BRD7: variants seen among roughly 807,000 people sequenced by gnomAD.
BRD7 encodes the protein bromodomain-containing protein 7.
A neutral mutation model predicts 82.1 loss-of-function variants in BRD7; 15 were observed. That is an observed-to-expected ratio of 0.18 (90% CI 0.12 to 0.28). The LOEUF (loss-of-function observed/expected upper bound fraction) is 0.28, where lower values mean the gene tolerates loss of function less well. Among genes scored for constraint, BRD7 ranks in the 10% least tolerant of loss-of-function variants. The pLI is 1.00. For missense variants in BRD7, 638 were observed against 779.9 expected, an observed-to-expected ratio of 0.82 and a Z score of 2.17; for synonymous variants, 232 against 266.9, an observed-to-expected ratio of 0.87 and a Z score of 1.27.
intron 8 of BRD7, among the ~76,000 whole-genome samples, chr16:50,330,352 T>C (rs958579058): frequency 2.0e-5 from 3 of 151,352 alleles, no homozygotes; most frequent in Non-Finnish European, 4.4e-5. Flanking sequence ...TTTTTTTTTT[T>C]TTTTTTGAGA....
chr16:50,327,734 T>A (rs1351981391), intron 9 of BRD7, among the ~76,000 whole-genome samples: 3 of 152,204 alleles, frequency 2.0e-5, no homozygotes, highest in African/African-American at 7.2e-5. Flanking sequence ...GCTGTTCTTT[T>A]CCTTTGTAGT....
rs1188946082 is a variant in BRD7, at chr16:50,328,678, T to C, written c.1078A>G (p.Ile360Val). Residue 360 changes from isoleucine (I) to valine (V), a missense_variant, in exon 9 of 17, where the codon ATT becomes GTT. Transcript: ENST00000394688. ...TLGLLHPVDP[I>V]VGEPGYCPVR... ...TTTACTCTGATCCTACCTCCTACAA[T>C]GGGATCCACAGGATGGAGAAGTCCC... The C allele has an allele frequency of 1.2e-6, 2 of 1,613,566 alleles. No homozygotes were observed. Among genetic ancestry groups the C allele is most frequent in the Non-Finnish European group, 1.7e-6 (2 of 1,179,852 alleles).
intron 4 of BRD7, among the ~76,000 whole-genome samples, chr16:50,352,225 T>G (rs1262737104): frequency 6.6e-6 from 1 of 152,196 alleles, no homozygotes; most frequent in Admixed American, 6.5e-5. Context: ...GTAACAAAGT[T>G]TGAGGGCGGT....
intron 5 of BRD7, chr16:50,349,122 G>A: frequency 6.1e-6 from 1 of 163,230 alleles, no homozygotes; most frequent in South Asian, 1.5e-4. Context: ...GGATGAAGCT[G>A]TTTCTGAGCA....
At chr16:50,333,267 T>C (rs1319428088) in intron 8 of BRD7, among the ~76,000 whole-genome samples, 1 of 152,138 alleles carries the variant, frequency 6.6e-6, no homozygotes, top group African/African-American at 2.4e-5. Flanking sequence ...AAAAATCCAG[T>C]AAAAGAGGGT....
chr16:50,327,287 C>T (rs2037380459), intron 9 of BRD7, among the ~76,000 whole-genome samples: 1 of 152,198 alleles, frequency 6.6e-6, no homozygotes, highest in Non-Finnish European at 1.5e-5. Context: ...GTCTCAGAAA[C>T]TGGAAACCCA....
chr16:50,368,032 T>G, intron 2 of BRD7, 58 bp downstream of exon 2: 1 of 1,547,016 alleles, frequency 6.5e-7, no homozygotes, highest in Non-Finnish European at 8.9e-7. Flanking sequence ...TAAAATGAGG[T>G]TGGCACCTGG....
At chr16:50,323,550 T>C in intron 12 of BRD7, 37 bp downstream of exon 12, 1 of 1,421,830 alleles carries the variant, frequency 7.0e-7, no homozygotes, top group African/African-American at 1.4e-5. Context: ...TGAGAGTCGA[T>C]AATAAATTAC....
At chr16:50,321,615 G>C (rs1312223554) in intron 13 of BRD7, among the ~76,000 whole-genome samples, 2 of 128,762 alleles carry the variant, frequency 1.6e-5, no homozygotes, top group Non-Finnish European at 3.3e-5. Flanking sequence ...TTTATTTTCA[G>C]AATCATTAAG....
chr16:50,319,871 A>G lies in BRD7; in HGVS notation c.1900+16T>C. 1 of 1,607,594 alleles carries G rather than the reference A, an allele frequency of 6.2e-7. No individual in the cohort carries two copies. The highest frequency in any genetic ancestry group is 2.2e-5 in the East Asian group (1 of 44,862). ...ACCATAGCTTTCTGCTTTCCCAGAGAAAACAGGGCACGTACCTTCTGTCAA... is the reference window on the plus strand; with the variant it reads ...ACCATAGCTTTCTGCTTTCCCAGAGGAAACAGGGCACGTACCTTCTGTCAA... On this transcript the variant is annotated intron_variant, in intron 16 of 16. Coordinates refer to ENST00000394688, the MANE Select transcript of BRD7 (RefSeq NM_013263.5).
chr16:50,336,727 A>G (rs2037816362), intron 6 of BRD7, among the ~76,000 whole-genome samples: 1 of 152,258 alleles, frequency 6.6e-6, no homozygotes, highest in Non-Finnish European at 1.5e-5. Context: ...TTTATAAAGC[A>G]GAACTTACAT....
Position 50,368,799 on chromosome 16 carries a change from C to CG in BRD7, c.-26_-25insC. On this transcript the variant is annotated 5_prime_UTR_variant, in exon 1 of 17. Transcript: ENST00000394688. ...TGTCCGACCGGGCCCCGGTGCCCGC[C>CG]CCCCGCGCCAGGCCCAGGCCGTGCG... is the stretch of plus-strand genomic sequence containing the variant. The CG allele has an allele frequency of 6.6e-7, 1 of 1,517,050 alleles. No individual in the cohort carries two copies. The allele number at this position is 1,517,050 out of a possible 1,614,324, so 94.0% of individuals were successfully genotyped here. A position where few individuals can be genotyped will look rare whatever the true frequency, so the allele number is the denominator to read the frequency against.
intron 5 of BRD7, among the ~76,000 whole-genome samples, chr16:50,346,458 T>C (rs1410529091): frequency 5.3e-5 from 8 of 151,976 alleles, no homozygotes; most frequent in Non-Finnish European, 1.0e-4. Flanking sequence ...AAAAAACCCT[T>C]CAAAAAAATC....
Position 50,334,754 on chromosome 16 carries a change from C to A in BRD7, c.844G>T (p.Ala282Ser), listed in dbSNP as rs1022332128. 2 of 1,613,856 alleles carry A rather than the reference C, an allele frequency of 1.2e-6. No homozygotes were observed. Among genetic ancestry groups the A allele is most frequent in the African/African-American group, 2.7e-5 (2 of 74,908 alleles). Residue 282 changes from alanine (A) to serine (S), a missense_variant, in exon 7 of 17, where the codon GCC becomes TCC. Physicochemically the swap from Ala to Ser is moderately conservative, Grantham distance 99. Transcript: ENST00000394688. The stretch of plus-strand genomic sequence containing the variant: ...GGACTCTTGAAGGCGTGTGCTTCGG[C>A]ATCTCCAGAGTCCTCTCTCTCTCTC... ...WQREREDSGDAEAHAFKSPSK... is the reference protein window; with the variant it reads ...WQREREDSGDSEAHAFKSPSK...
At chr16:50,336,497 G>C (rs1317317045) in intron 6 of BRD7, among the ~76,000 whole-genome samples, 1 of 152,180 alleles carries the variant, frequency 6.6e-6, no homozygotes, top group Non-Finnish European at 1.5e-5. Flanking sequence ...GGGAGGCAGA[G>C]GTTGCAGTGA....
Position 50,334,838 on chromosome 16 carries a change from G to T in BRD7, c.760C>A (p.Arg254=). The change falls in exon 7 of 17, where the codon CGA becomes AGA. Residue 254 remains arginine (R), a synonymous_variant. Transcript: ENST00000394688. ...GTGTCTGTTCCATCTTTCTGCTTTC[G>T]AGTTTTCTGCAAGTCAGCCATGAAG... ...IDFMADLQKT[R]KQKDGTDTSQ... 5 of 1,614,074 alleles carry T rather than the reference G, an allele frequency of 3.1e-6. No homozygotes were observed. Among genetic ancestry groups the T allele is most frequent in the Non-Finnish European group, 4.2e-6 (5 of 1,180,002 alleles).
intron 2 of BRD7, among the ~76,000 whole-genome samples, chr16:50,367,885 C>A (rs573684765): frequency 1.1e-4 from 16 of 152,238 alleles, no homozygotes; most frequent in African/African-American, 3.1e-4. Context: ...ACCTGATGTG[C>A]GAGTACAATT....
rs541153870 is a variant in BRD7 at position 50,317,568 on chromosome 16, C to G, written c.*1643G>C. The G allele has an allele frequency of 5.2e-5, 8 of 152,468 alleles. No individual in the cohort carries two copies. The highest frequency in any genetic ancestry group is 1.4e-4 in the African/African-American group (6 of 41,570). 9.4% of individuals were successfully genotyped at this position (152,468 alleles called of 1,614,324 possible). A position where few individuals can be genotyped will look rare whatever the true frequency, so the allele number is the denominator to read the frequency against. On this transcript the variant is annotated 3_prime_UTR_variant, in exon 17 of 17. Transcript: ENST00000394688. Reference sequence around the variant, plus strand: ...AACAAATAACTGACTACCACTCACTCATGCATTTTTATTTCCAATTAAAGC... The same window carrying G: ...AACAAATAACTGACTACCACTCACTGATGCATTTTTATTTCCAATTAAAGC...
intron 8 of BRD7, among the ~76,000 whole-genome samples, chr16:50,332,779 C>T (rs535652069): frequency 2.6e-5 from 4 of 152,298 alleles, no homozygotes; most frequent in African/African-American, 9.6e-5. Flanking sequence ...TACACACACA[C>T]ACCATGGAAT....
Sources: allele counts gnomAD v4.1 joint callset (sites outside exome capture counted in the v4.1 genomes callset), GRCh38; gene constraint gnomAD v4.1.1; transcripts MANE v1.5; gene names NCBI Gene and HGNC (gene_info 2026-07-23, HGNC 2026-07-21).